The following SGCD variants were observed in gnomAD, a reference collection of about 807,000 sequenced individuals.
SGCD encodes sarcoglycan delta.
SGCD carries 18 observed loss-of-function variants against 36.6 expected under a neutral mutation model. That is an observed-to-expected ratio of 0.49 (90% CI 0.34 to 0.73). The LOEUF is 0.73. SGCD is among the 30% of genes least tolerant of loss of function. The probability of loss-of-function intolerance (pLI) is 0.01; values close to 1 mark genes in which losing one functional copy is unlikely to be tolerated. For missense variants in SGCD, 387 were observed against 346.7 expected (o/e 1.12, Z -0.92); for synonymous variants, 133 against 130.6 (o/e 1.02, Z -0.12).
At chr5:156,033,289 A>C (rs12188985) in intron 1 of SGCD, among the ~76,000 whole-genome samples, 21,577 of 152,036 alleles carry the variant, frequency 0.14, 1,769 homozygotes, top group Admixed American at 0.22. Context: ...TCTTACATAC[A>C]TATATTGCAT....
chr5:155,890,836 A>T (rs547380614), intron 1 of SGCD, among the ~76,000 whole-genome samples: 1 of 152,052 alleles, frequency 6.6e-6, no homozygotes, highest in South Asian at 2.1e-4. Flanking sequence ...GCATCATTCT[A>T]CTCAAGACTC....
Position 156,195,800 on chromosome 5 carries a change from C to T in SGCD, c.-44+71781C>T, listed in dbSNP as rs946391078. ...AAGAGCAAAACTGAAAGATGGCAGG[C>T]TAGCAAAGGGAATTACTATTTTGTC... On this transcript the variant is annotated intron_variant, in intron 3 of 9. Transcript: ENST00000517913. Among the ~76,000 whole-genome samples the T allele has an allele frequency of 4.5e-4, 69 of 152,182 alleles. 1 individual carries two copies. Among genetic ancestry groups the T allele is most frequent in the Non-Finnish European group, 1.3e-4 (9 of 68,040 alleles).
intron 1 of SGCD, among the ~76,000 whole-genome samples, chr5:155,902,796 A>G (rs999318627): frequency 1.3e-5 from 2 of 152,206 alleles, no homozygotes; most frequent in Non-Finnish European, 2.9e-5. Context: ...AATTAAGGAT[A>G]TTACAATTGC....
intron 3 of SGCD, among the ~76,000 whole-genome samples, chr5:156,495,974 G>A (rs1756167601): frequency 6.6e-6 from 1 of 152,096 alleles, no homozygotes; most frequent in South Asian, 2.1e-4. Context: ...CTGAATCTGA[G>A]TGCTCATTGG....
At chr5:156,090,482 A>G (rs1417837666) in intron 1 of SGCD, among the ~76,000 whole-genome samples, 1 of 152,192 alleles carries the variant, frequency 6.6e-6, no homozygotes, top group Non-Finnish European at 1.5e-5. Context: ...GGGGTGTTAC[A>G]TGCTTCAAAG....
rs142347852 is a variant in SGCD at position 156,025,064 on chromosome 5, A to G, written c.-281-92814A>G. ...AGTAACAAATTATTTTCCATATTTC[A>G]GTGGCTTAACTTGGAGAAAGTTTCT... On this transcript the variant is annotated intron_variant, in intron 1 of 9. Transcript: ENST00000517913. 1.3e-3 allele frequency among the ~76,000 whole-genome samples: 202 copies of G among 152,174 alleles called. 1 individual carries two copies. The highest frequency in any genetic ancestry group is 4.7e-3 in the African/African-American group (194 of 41,552).
intron 7 of SGCD, among the ~76,000 whole-genome samples, chr5:156,756,519 AACAGGGTGAG>A (rs1340585515): frequency 1.3e-5 from 2 of 152,236 alleles, no homozygotes; most frequent in Non-Finnish European, 2.9e-5. Context: ...CAGCCTGAGC[AACAGGGTGAG>A]ACCCTGTTTC....
At chr5:156,749,810 G>T (rs1757084754) in intron 7 of SGCD, among the ~76,000 whole-genome samples, 2 of 152,024 alleles carry the variant, frequency 1.3e-5, no homozygotes, top group South Asian at 4.1e-4. Context: ...CATGCCCAGA[G>T]GGTTTATCAA....
chr5:156,624,380 G>A (rs1762364800), intron 6 of SGCD, among the ~76,000 whole-genome samples: 1 of 152,138 alleles, frequency 6.6e-6, no homozygotes, highest in African/African-American at 2.4e-5. Flanking sequence ...AGGAGATTGA[G>A]ACCATCCTGA....
intron 6 of SGCD, among the ~76,000 whole-genome samples, chr5:156,640,293 G>T (rs1419942462): frequency 1.3e-5 from 2 of 149,770 alleles, no homozygotes; most frequent in Non-Finnish European, 1.5e-5. Flanking sequence ...TCTATATATT[G>T]CTATACATCT....
At position 156,057,849 on chromosome 5, in the gene SGCD, A is replaced by T. The variant is rs1581068516; in HGVS notation, c.-281-60029A>T. Among the ~76,000 whole-genome samples, 6 of 146,146 alleles carry T rather than the reference A, an allele frequency of 4.1e-5. 1 individual carries two copies. Among genetic ancestry groups the T allele is most frequent in the Admixed American group, 3.4e-4 (5 of 14,580 alleles). ...TAAGAATGCTAAAAAAAAATCAATC[A>T]CTGGTCACTTTTAGTATGATTGGGA... On this transcript the variant is annotated intron_variant, in intron 1 of 9. Transcript: ENST00000517913.
At chr5:155,733,633 C>CTTT in the SGCD span, among the ~76,000 whole-genome samples, 3 of 146,880 alleles carry the variant, frequency 2.0e-5, no homozygotes, top group African/African-American at 5.0e-5. Flanking sequence ...ATGCTGGACA[C>CTTT]TTTTTTTTTT....
intron 7 of SGCD, among the ~76,000 whole-genome samples, chr5:156,741,976 T>C (rs77421169): frequency 6.6e-6 from 1 of 151,936 alleles, no homozygotes; most frequent in Non-Finnish European, 1.5e-5. Context: ...CCCAGCTTCA[T>C]GCCATTCTCC....
At chr5:156,104,552 G>A (rs1761599019) in intron 1 of SGCD, among the ~76,000 whole-genome samples, 1 of 152,136 alleles carries the variant, frequency 6.6e-6, no homozygotes, top group African/African-American at 2.4e-5. Flanking sequence ...ATACTAATCT[G>A]TGATTTCTGT....
chr5:156,158,766 T>A (rs1484766596), intron 3 of SGCD, among the ~76,000 whole-genome samples: 1 of 151,602 alleles, frequency 6.6e-6, no homozygotes, highest in African/African-American at 2.4e-5. Flanking sequence ...GCACTTAGAA[T>A]TAGGTAGCAG....
rs549066028 is a variant in SGCD, at chr5:156,746,673, C to A, written c.576-10908C>A. On this transcript the variant is annotated intron_variant, in intron 7 of 8. Transcript: ENST00000337851. The stretch of plus-strand genomic sequence containing the variant: ...AATGGAGCTGGAACAACTGGATAAA[C>A]CTATTAGAAAAAATGAACACTATTC... Among the ~76,000 whole-genome samples, 33 of 152,102 alleles carry A rather than the reference C, an allele frequency of 2.2e-4. No individual in the cohort carries two copies. In the South Asian group the frequency reaches 6.8e-3, roughly 32 times the overall value.
intron 1 of SGCD, among the ~76,000 whole-genome samples, chr5:156,028,238 G>A (rs2127574946): frequency 6.6e-6 from 1 of 152,286 alleles, no homozygotes; most frequent in Non-Finnish European, 1.5e-5. Context: ...AGGGTAGAAT[G>A]TGCGTTCAGC....
intron 3 of SGCD, among the ~76,000 whole-genome samples, chr5:156,488,098 GTTTTTTTTTTTT>G (rs559483068): frequency 2.2e-5 from 2 of 92,520 alleles, no homozygotes; most frequent in Non-Finnish European, 4.6e-5. Context: ...TTGAAGACAG[GTTTTTTTTTTTT>G]TTTTTTTTTT....
chr5:156,328,694 G>A, intron 1 of SGCD, among the ~76,000 whole-genome samples: 1 of 152,034 alleles, frequency 6.6e-6, no homozygotes, highest in East Asian at 1.9e-4. Context: ...GGACAGGACT[G>A]GCAGCAGGAT....
Sources: gnomAD v4.1 joint callset for allele counts (sites outside exome capture counted in the v4.1 genomes callset) on GRCh38, gnomAD v4.1.1 for gene constraint, MANE v1.5 for transcripts, NCBI Gene and HGNC (gene_info 2026-07-23, HGNC 2026-07-21) for gene names.